Variants in TBC1D22A observed in about 807,000 individuals in gnomAD.
The protein encoded by TBC1D22A is TBC1 domain family member 22A, also known as putative GTPase activator.
A neutral mutation model predicts 60.2 loss-of-function variants in TBC1D22A; 38 were observed. The observed-to-expected ratio is 0.63, with a 90% CI of 0.49 to 0.83. TBC1D22A has a LOEUF of 0.83. Ranked by LOEUF, TBC1D22A falls within the 40% of genes least tolerant of loss-of-function variation. The pLI, the probability that TBC1D22A is intolerant of heterozygous loss-of-function variation, is 0.00. For synonymous variants in TBC1D22A, 302 were observed against 281.7 expected, an observed-to-expected ratio of 1.07 and a Z score of -0.72; for missense variants, 628 against 701.0, an observed-to-expected ratio of 0.90 and a Z score of 1.18.
At position 46,777,856 on chromosome 22, in the gene TBC1D22A, C is replaced by T. The variant is rs2083768655; in HGVS notation, c.63-14664C>T. Among the ~76,000 whole-genome samples the T allele has an allele frequency of 6.6e-6, 1 of 152,212 alleles. No individual in the cohort carries two copies. The highest frequency in any genetic ancestry group is 1.5e-5 in the Non-Finnish European group (1 of 68,032). The stretch of plus-strand genomic sequence containing the variant: ...CATGTGTCCTTAGGTGATTTGGTCC[C>T]TGTGTGAACATCACAGAGCACATTT... On this transcript the variant is annotated intron_variant, in intron 1 of 12. Transcript: ENST00000337137. The surrounding 1 kb of genome is among the most constrained non-coding windows in gnomAD (Gnocchi z 4.5).
intron 8 of TBC1D22A, among the ~76,000 whole-genome samples, chr22:46,930,269 G>A (rs140478083): frequency 6.6e-6 from 1 of 152,210 alleles, no homozygotes; most frequent in African/African-American, 2.4e-5. Context: ...TTGTATTATA[G>A]TATCTGACAT....
At chr22:47,104,860 A>G (rs987436616) in intron 11 of TBC1D22A, among the ~76,000 whole-genome samples, 1 of 152,188 alleles carries the variant, frequency 6.6e-6, no homozygotes, top group Non-Finnish European at 1.5e-5. Context: ...ACCAGTTGTC[A>G]ACTAGAACAT....
chr22:46,842,676 C>G (rs547934604), intron 4 of TBC1D22A, among the ~76,000 whole-genome samples: 1 of 152,248 alleles, frequency 6.6e-6, no homozygotes, highest in African/African-American at 2.4e-5. Context: ...GCGCGATCTC[C>G]GATCAAACTG....
At chr22:46,840,760 C>G (rs1240941086) in intron 4 of TBC1D22A, among the ~76,000 whole-genome samples, 2 of 150,784 alleles carry the variant, frequency 1.3e-5, no homozygotes, top group Non-Finnish European at 3.0e-5. Context: ...CAAATGATAA[C>G]AAGCATTCGT....
chr22:46,792,937 C>G (rs893557287), intron 2 of TBC1D22A: 8 of 1,194,920 alleles, frequency 6.7e-6, no homozygotes, highest in Non-Finnish European at 9.0e-6. Context: ...GAGCCCGGCC[C>G]TGGCCTGTCC....
intron 4 of TBC1D22A, among the ~76,000 whole-genome samples, chr22:46,802,875 G>A (rs1205322505): frequency 6.6e-5 from 10 of 151,916 alleles, no homozygotes; most frequent in Non-Finnish European, 1.2e-4. Flanking sequence ...TGCGTGAGTC[G>A]GGGGCTGATG....
intron 7 of TBC1D22A, among the ~76,000 whole-genome samples, chr22:46,900,150 T>C (rs9627615): frequency 3.5e-5 from 5 of 142,456 alleles, no homozygotes; most frequent in Non-Finnish European, 6.0e-5. Flanking sequence ...ACAGCTGTGG[T>C]TTTTTTTTTT....
chr22:46,825,021 T>C (rs1386623069), intron 4 of TBC1D22A, among the ~76,000 whole-genome samples: 1 of 152,112 alleles, frequency 6.6e-6, no homozygotes, highest in African/African-American at 2.4e-5. Flanking sequence ...AGACCTGGCC[T>C]GCCCAGCATT....
chr22:47,065,596 T>TGG (rs1216862266), intron 11 of TBC1D22A, among the ~76,000 whole-genome samples: 7 of 45,494 alleles, frequency 1.5e-4, no homozygotes, highest in Admixed American at 5.8e-4. Context: ...TTCATTGTGT[T>TGG]TTTGCTGTGG....
chr22:46,864,586 C>T (rs117503355), intron 4 of TBC1D22A, among the ~76,000 whole-genome samples: 53 of 152,308 alleles, frequency 3.5e-4, no homozygotes, highest in Non-Finnish European at 4.9e-4. Flanking sequence ...AGTAGATAAA[C>T]GATAACAATC....
intron 11 of TBC1D22A, among the ~76,000 whole-genome samples, chr22:47,107,222 A>G (rs2065669138): frequency 6.6e-6 from 1 of 152,222 alleles, no homozygotes; most frequent in African/African-American, 2.4e-5. Context: ...AGGGAAGTAG[A>G]TTAGTCCACA....
chr22:46,921,677 T>C (rs759885742), intron 8 of TBC1D22A, among the ~76,000 whole-genome samples: 13 of 152,228 alleles, frequency 8.5e-5, no homozygotes, highest in Non-Finnish European at 1.8e-4. Flanking sequence ...CTGCTTTCCA[T>C]AGTGGCTGAA....
chr22:47,083,863 G>A (rs1002350365), intron 11 of TBC1D22A, among the ~76,000 whole-genome samples: 4 of 152,228 alleles, frequency 2.6e-5, no homozygotes, highest in African/African-American at 9.7e-5. Context: ...GGCTGACAAC[G>A]AAAGGATTGA....
At chr22:46,949,770 A>G (rs1315158964) in intron 8 of TBC1D22A, among the ~76,000 whole-genome samples, 1 of 152,260 alleles carries the variant, frequency 6.6e-6, no homozygotes, top group Non-Finnish European at 1.5e-5. Flanking sequence ...AAAGTGTTGC[A>G]GTCTTTAATG....
At chr22:46,807,604 T>C (rs1022825378) in intron 4 of TBC1D22A, among the ~76,000 whole-genome samples, 1 of 152,208 alleles carries the variant, frequency 6.6e-6, no homozygotes, top group African/African-American at 2.4e-5. Context: ...AGCTCATTTG[T>C]TTGGCATTTA....
At chr22:46,915,936 T>C in intron 8 of TBC1D22A, 1 of 445,898 alleles carries the variant, frequency 2.2e-6, no homozygotes, top group Non-Finnish European at 4.5e-6. Context: ...CAGAGCCCTC[T>C]CAGTGTTACG....
Position 46,762,706 on chromosome 22 carries a change from G to A in TBC1D22A, c.-81G>A. The A allele has an allele frequency of 7.9e-7, 1 of 1,272,116 alleles. No homozygotes were observed. The highest frequency in any genetic ancestry group is 1.0e-6 in the Non-Finnish European group (1 of 972,470). The allele number at this position is 1,272,116 out of a possible 1,614,324, so 78.8% of individuals were successfully genotyped here. Reference sequence around the variant, plus strand: ...CCCGGGAGCAGTGAGGGGCCACCCGGGGCACAGGAAAGGGCCGCTAGGGGA... The same window carrying A: ...CCCGGGAGCAGTGAGGGGCCACCCGAGGCACAGGAAAGGGCCGCTAGGGGA... On this transcript the variant is annotated 5_prime_UTR_variant, in exon 1 of 13. Coordinates refer to ENST00000337137, the MANE Select transcript of TBC1D22A (RefSeq NM_014346.5).
At chr22:46,835,965 G>C (rs933060905) in intron 4 of TBC1D22A, among the ~76,000 whole-genome samples, 5 of 152,048 alleles carry the variant, frequency 3.3e-5, no homozygotes, top group African/African-American at 9.7e-5. Context: ...AAAACCTGCC[G>C]ACTAAGAATA....
chr22:47,030,074 G>T (rs1210204886), intron 10 of TBC1D22A, among the ~76,000 whole-genome samples: 1 of 152,248 alleles, frequency 6.6e-6, no homozygotes, highest in Non-Finnish European at 1.5e-5. Flanking sequence ...AGAGTGGGGG[G>T]CCTCTTGGTG....
Sources: gnomAD v4.1 joint callset for allele counts (sites outside exome capture counted in the v4.1 genomes callset) on GRCh38, gnomAD v4.1.1 for gene constraint, Gnocchi (gnomAD v3.1) non-coding constraint, MANE v1.5 for transcripts, NCBI Gene and HGNC (gene_info 2026-07-23, HGNC 2026-07-21) for gene names.